DNAAF9: variants seen among roughly 807,000 people sequenced by gnomAD.
DNAAF9 encodes the protein dynein axonemal assembly factor 9, also known as shulin.
DNAAF9 carries 90 observed loss-of-function variants against 167.0 expected under a neutral mutation model. The observed-to-expected ratio is 0.54, with a 90% CI of 0.45 to 0.64. The LOEUF is 0.64. DNAAF9 is among the 30% of genes least tolerant of loss of function. The pLI is 0.00. For missense variants in DNAAF9, 1,315 were observed against 1,442.2 expected, an observed-to-expected ratio of 0.91 and a Z score of 1.43; for synonymous variants, 491 against 508.8, an observed-to-expected ratio of 0.96 and a Z score of 0.47.
chr20:3,298,706 T>G (rs942193236), intron 21 of DNAAF9, among the ~76,000 whole-genome samples: 3 of 152,214 alleles, frequency 2.0e-5, no homozygotes, highest in Non-Finnish European at 2.9e-5. Flanking sequence ...TTTGTGAATA[T>G]TCCATTCTGA....
At chr20:3,262,965 CTTTTTTTTTT>C (rs796491974) in intron 31 of DNAAF9, among the ~76,000 whole-genome samples, 310 of 81,320 alleles carry the variant, frequency 3.8e-3, no homozygotes, top group African/African-American at 0.014. Context: ...CATAGCAGAT[CTTTTTTTTTT>C]TTTTTTTTTT....
intron 6 of DNAAF9, among the ~76,000 whole-genome samples, chr20:3,366,178 A>G (rs551699898): frequency 6.6e-6 from 1 of 152,326 alleles, no homozygotes; most frequent in South Asian, 2.1e-4. Context: ...CAGATCCATC[A>G]GAGGAATCTA....
At chr20:3,318,125 C>CG (rs1938734484) in intron 17 of DNAAF9, among the ~76,000 whole-genome samples, 164 bp downstream of exon 17, 2 of 127,614 alleles carry the variant, frequency 1.6e-5, no homozygotes, top group Non-Finnish European at 3.2e-5. Flanking sequence ...TTTTTTGATA[C>CG]GGGGTCTCAC....
At position 3,278,962 on chromosome 20, in the gene DNAAF9, A is replaced by T. The variant is rs532428957; in HGVS notation, c.2613-13T>A. ...AGGAAAGAGAAATCTAGGGGGAAAA[A>T]AGGGGGAAATATTTAAAAACCATTC... On this transcript the variant is annotated splice_polypyrimidine_tract_variant and intron_variant, in intron 28 of 36. Coordinates refer to ENST00000252032, the MANE Select transcript of DNAAF9 (RefSeq NM_001009984.3). 4.4e-6 allele frequency: 7 copies of T among 1,583,178 alleles called. No individual in the cohort carries two copies. In the African/African-American group the frequency reaches 5.4e-5, roughly 12 times the overall value.
chr20:3,310,325 GAGAA>G (rs796739846), intron 20 of DNAAF9, among the ~76,000 whole-genome samples: 10 of 60,276 alleles, frequency 1.7e-4, no homozygotes, highest in African/African-American at 4.9e-4. Context: ...AGAAAGGAAA[GAGAA>G]AGAAAAAGAA....
chr20:3,316,639 G>A, intron 18 of DNAAF9, 84 bp downstream of exon 18: 2 of 913,998 alleles, frequency 2.2e-6, no homozygotes, highest in Non-Finnish European at 1.8e-6. Flanking sequence ...TCCCACCAGG[G>A]GCCCAACAAA....
intron 16 of DNAAF9, among the ~76,000 whole-genome samples, chr20:3,319,099 A>G (rs6051739): frequency 0.19 from 26,614 of 140,438 alleles, 2,793 homozygotes; most frequent in African/African-American, 0.25. Flanking sequence ...AAAAAAAAAA[A>G]AAAAAGAAAA....
chr20:3,338,249 T>A (rs931587147), intron 10 of DNAAF9, among the ~76,000 whole-genome samples: 9 of 152,050 alleles, frequency 5.9e-5, no homozygotes, highest in Admixed American at 2.0e-4. Context: ...TAAAATGTGG[T>A]TTGGTTGGTG....
At chr20:3,343,809 A>G (rs1462734291) in intron 8 of DNAAF9, 78 bp from the exon 9 acceptor site, 2 of 1,015,130 alleles carry the variant, frequency 2.0e-6, no homozygotes, top group South Asian at 1.3e-5. Context: ...ATATGTATGT[A>G]TGTACACACA....
chr20:3,362,176 C>G, intron 6 of DNAAF9: 4 of 1,429,842 alleles, frequency 2.8e-6, no homozygotes, highest in Non-Finnish European at 3.9e-6. Flanking sequence ...AATTATCATC[C>G]CTGTCCATCT....
At chr20:3,291,693 C>A (rs755669498) in intron 25 of DNAAF9, among the ~76,000 whole-genome samples, 5 of 152,136 alleles carry the variant, frequency 3.3e-5, no homozygotes, top group Non-Finnish European at 5.9e-5. Context: ...GGCCCAGTCA[C>A]AAATAACTTA....
intron 29 of DNAAF9, among the ~76,000 whole-genome samples, chr20:3,278,298 A>G (rs905284133): frequency 3.3e-5 from 5 of 152,168 alleles, no homozygotes; most frequent in Admixed American, 3.3e-4. Context: ...CTTGGGGCAG[A>G]AGTGAATCAA....
At chr20:3,404,791 C>T (rs892289926) in intron 1 of DNAAF9, among the ~76,000 whole-genome samples, 4 of 152,314 alleles carry the variant, frequency 2.6e-5, no homozygotes, top group African/African-American at 9.6e-5. Context: ...TACAGAAAAA[C>T]ATTTTGAAGT....
At chr20:3,307,967 T>TAAAAAA (rs367851853) in intron 20 of DNAAF9, among the ~76,000 whole-genome samples, 2 of 123,452 alleles carry the variant, frequency 1.6e-5, no homozygotes, top group Non-Finnish European at 3.3e-5. Context: ...ACACAAGGTT[T>TAAAAAA]AAAAAAAAAA....
At chr20:3,355,777 TC>T (rs1444205885) in intron 7 of DNAAF9, among the ~76,000 whole-genome samples, 2 of 152,144 alleles carry the variant, frequency 1.3e-5, no homozygotes, top group Non-Finnish European at 2.9e-5. Context: ...GACACTAGGT[TC>T]TGTTTGCTAA....
intron 30 of DNAAF9, 102 bp downstream of exon 30, chr20:3,270,325 A>G: frequency 2.6e-6 from 3 of 1,147,340 alleles, no homozygotes; most frequent in Non-Finnish European, 3.9e-6. Flanking sequence ...TGACTTCTCC[A>G]AATGTTTAGG....
chr20:3,323,839 C>T (rs977156940), intron 14 of DNAAF9, among the ~76,000 whole-genome samples: 3 of 152,216 alleles, frequency 2.0e-5, no homozygotes, highest in African/African-American at 7.2e-5. Flanking sequence ...CCCACTGTGA[C>T]AGCAGCTAAC....
At chr20:3,372,365 A>G (rs2083522339) in intron 6 of DNAAF9, among the ~76,000 whole-genome samples, 1 of 152,170 alleles carries the variant, frequency 6.6e-6, no homozygotes, top group Non-Finnish European at 1.5e-5. Flanking sequence ...AATAAAAGTG[A>G]GCAGCTACAG....
At chr20:3,284,616 C>T (rs6076500) in intron 27 of DNAAF9, among the ~76,000 whole-genome samples, 4 of 152,146 alleles carry the variant, frequency 2.6e-5, no homozygotes, top group East Asian at 3.9e-4. Flanking sequence ...CCAGCAGGAC[C>T]TTAACTTTCT....
Sources: allele counts gnomAD v4.1 joint callset (sites outside exome capture counted in the v4.1 genomes callset), GRCh38; gene constraint gnomAD v4.1.1; transcripts MANE v1.5; gene names NCBI Gene and HGNC (gene_info 2026-07-23, HGNC 2026-07-21).